The following ULK4 variants were observed in gnomAD, a reference collection of about 807,000 sequenced individuals.
ULK4 encodes inactive serine/threonine-protein kinase ULK4.
A neutral mutation model predicts 160.6 loss-of-function variants in ULK4; 133 were observed. The ratio of observed to expected loss-of-function variants is 0.83; its 90% confidence interval spans 0.72 to 0.96. ULK4 has a LOEUF of 0.96. ULK4 is among the 40% of genes least tolerant of loss of function. ULK4 has a pLI of 0.00. For missense variants in ULK4, 1,580 were observed against 1,499.5 expected, an observed-to-expected ratio of 1.05 and a Z score of -0.89; for synonymous variants, 534 against 539.8, an observed-to-expected ratio of 0.99 and a Z score of 0.15.
At chr3:41,360,565 C>A (rs1037743406) in intron 35 of ULK4, among the ~76,000 whole-genome samples, 1 of 152,144 alleles carries the variant, frequency 6.6e-6, no homozygotes, top group African/African-American at 2.4e-5. Context: ...TACATATACA[C>A]CATGTAATAC....
chr3:41,656,115 T>C (rs927524276), intron 30 of ULK4, among the ~76,000 whole-genome samples: 1 of 152,134 alleles, frequency 6.6e-6, no homozygotes, highest in African/African-American at 2.4e-5. Context: ...TTTGAATCAA[T>C]ATCACTAGAC....
intron 31 of ULK4, among the ~76,000 whole-genome samples, chr3:41,606,723 G>A (rs959417043): frequency 1.3e-5 from 2 of 152,000 alleles, no homozygotes; most frequent in African/African-American, 4.8e-5. Context: ...GATTAGTGAT[G>A]TGGAGCACTT....
At chr3:41,408,451 A>AT (rs2082342759) in intron 34 of ULK4, among the ~76,000 whole-genome samples, 1 of 144,960 alleles carries the variant, frequency 6.9e-6, no homozygotes, top group African/African-American at 2.6e-5. Context: ...AAAAAAAAAA[A>AT]AATTAAAGAG....
At chr3:41,735,685 A>ATTT (rs2038009299) in intron 22 of ULK4, among the ~76,000 whole-genome samples, 1 of 87,810 alleles carries the variant, frequency 1.1e-5, no homozygotes, top group Admixed American at 1.2e-4. Context: ...CTCTAAGTCC[A>ATTT]TTTTATTATT....
In ULK4 at chr3:41,246,629, A is replaced by C. The variant is rs1456533676; in HGVS notation, c.*300T>G. 9.1e-6 allele frequency: 3 copies of C among 328,700 alleles called. No individual in the cohort carries two copies. Among genetic ancestry groups the C allele is most frequent in the Non-Finnish European group, 1.7e-5 (3 of 175,344 alleles). The allele number at this position is 328,700 out of a possible 1,614,324, so 20.4% of individuals were successfully genotyped here. A position where few individuals can be genotyped will look rare whatever the true frequency, so the allele number is the denominator to read the frequency against. On this transcript the variant is annotated 3_prime_UTR_variant, in exon 37 of 37. Coordinates refer to ENST00000301831, the MANE Select transcript of ULK4 (RefSeq NM_017886.4). ...TTTGCATCCACTGCTTTATTACCAC[A>C]GGCAGTGCTAACCTTAGCCCACCTG...
intron 32 of ULK4, among the ~76,000 whole-genome samples, chr3:41,558,766 GC>G (rs1195334383): frequency 6.6e-6 from 1 of 151,500 alleles, no homozygotes; most frequent in Admixed American, 6.6e-5. Flanking sequence ...TCTTCGGTGG[GC>G]GGGGGGAAAT....
chr3:41,580,259 T>C (rs1268771088), intron 31 of ULK4, among the ~76,000 whole-genome samples: 2 of 152,102 alleles, frequency 1.3e-5, no homozygotes, highest in Non-Finnish European at 2.9e-5. Flanking sequence ...GTCCCTGAGC[T>C]TCAGGAACAT....
At chr3:41,551,269 A>T (rs1485323104) in intron 32 of ULK4, among the ~76,000 whole-genome samples, 1 of 151,900 alleles carries the variant, frequency 6.6e-6, no homozygotes, top group Admixed American at 6.6e-5. Flanking sequence ...AGCAGGAAAT[A>T]ATAAAGATCA....
At chr3:41,711,241 C>T (rs2125836782) in intron 25 of ULK4, among the ~76,000 whole-genome samples, 1 of 152,248 alleles carries the variant, frequency 6.6e-6, no homozygotes, top group Non-Finnish European at 1.5e-5. Flanking sequence ...TGCAGATGAC[C>T]ACAACACAGG....
chr3:41,850,055 T>C (rs906539313), intron 17 of ULK4, among the ~76,000 whole-genome samples: 6 of 152,102 alleles, frequency 3.9e-5, no homozygotes, highest in African/African-American at 1.2e-4. Context: ...AGTGAGAACA[T>C]GTGGTGTTTG....
chr3:41,623,055 T>A (rs1229924159), intron 30 of ULK4, among the ~76,000 whole-genome samples: 1 of 152,098 alleles, frequency 6.6e-6, no homozygotes, highest in Non-Finnish European at 1.5e-5. Flanking sequence ...GTCCAAAAAA[T>A]AAAATAAAAT....
rs539495841 is a variant in ULK4 at position 41,625,946 on chromosome 3, A to G, written c.3072-10229T>C. On this transcript the variant is annotated intron_variant, in intron 30 of 36. Transcript: ENST00000301831. Reference sequence around the variant, plus strand: ...TCCTTTATTTTAGCCAGCTAAGCACACTGTGTTTAAGTAACTCCAGATGGG... The same window carrying G: ...TCCTTTATTTTAGCCAGCTAAGCACGCTGTGTTTAAGTAACTCCAGATGGG... Among the ~76,000 whole-genome samples, 3 of 152,328 alleles carry G rather than the reference A, an allele frequency of 2.0e-5. No homozygotes were observed. In the East Asian group the frequency reaches 5.8e-4, roughly 29 times the overall value.
At chr3:41,615,143 A>G (rs1485269319) in intron 31 of ULK4, among the ~76,000 whole-genome samples, 1 of 152,222 alleles carries the variant, frequency 6.6e-6, no homozygotes, top group Non-Finnish European at 1.5e-5. Flanking sequence ...AACACAGAGG[A>G]AAGATTTTCT....
chr3:41,628,528 AG>A (rs1385270998), intron 30 of ULK4, among the ~76,000 whole-genome samples: 1 of 152,202 alleles, frequency 6.6e-6, no homozygotes, highest in Admixed American at 6.5e-5. Flanking sequence ...TAAATGGAGG[AG>A]CATCTTACAA....
chr3:41,615,406 A>T (rs899247663), intron 31 of ULK4, among the ~76,000 whole-genome samples: 1 of 152,234 alleles, frequency 6.6e-6, no homozygotes, highest in Non-Finnish European at 1.5e-5. Flanking sequence ...TAGAAAATAT[A>T]TATTGTGTAA....
chr3:41,780,600 G>T (rs2039807242), intron 21 of ULK4, among the ~76,000 whole-genome samples: 1 of 152,050 alleles, frequency 6.6e-6, no homozygotes. Flanking sequence ...CAGCTCAGGT[G>T]CATTAAGAAG....
At chr3:41,409,670 T>C (rs2082371216) in intron 34 of ULK4, among the ~76,000 whole-genome samples, 1 of 152,086 alleles carries the variant, frequency 6.6e-6, no homozygotes, top group African/African-American at 2.4e-5. Context: ...AATTAACAGC[T>C]GGGCAAAGTG....
At chr3:41,775,399 CTT>C (rs544345466) in intron 21 of ULK4, among the ~76,000 whole-genome samples, 11 of 138,814 alleles carry the variant, frequency 7.9e-5, no homozygotes, top group East Asian at 2.0e-4. Context: ...GTGACAACTC[CTT>C]TTTTTTTTTT....
rs1183873872 is a variant in ULK4 at position 41,398,193 on chromosome 3, T to C, written c.3564A>G (p.Gly1188=). The C allele has an allele frequency of 6.2e-7, 1 of 1,613,454 alleles. No homozygotes were observed. The highest frequency in any genetic ancestry group is 1.7e-5 in the Admixed American group (1 of 59,910). Residue 1188 remains glycine, a synonymous_variant, in exon 35 of 37, where the codon GGA becomes GGG. Coordinates refer to ENST00000301831, the MANE Select transcript of ULK4 (RefSeq NM_017886.4). ...KCLSILVQLY[G]GENPDSLSPE... ...GAGAGAGGCTGTCCGGGTTTTCCCCTCCATACAGCTGAACCAGTATAGACA... is the reference window on the plus strand; with the variant it reads ...GAGAGAGGCTGTCCGGGTTTTCCCCCCCATACAGCTGAACCAGTATAGACA...
Sources: gnomAD v4.1 joint callset for allele counts (sites outside exome capture counted in the v4.1 genomes callset) on GRCh38, gnomAD v4.1.1 for gene constraint, MANE v1.5 for transcripts, NCBI Gene and HGNC (gene_info 2026-07-23, HGNC 2026-07-21) for gene names.